Variants in GABRG3 observed in about 807,000 individuals in gnomAD.
GABRG3 encodes the protein gamma-aminobutyric acid type A receptor subunit gamma3.
Under a neutral mutation model 48.8 loss-of-function variants are expected in GABRG3, and 25 were observed. The observed-to-expected ratio is 0.51, with a 90% confidence interval of 0.37 to 0.72. The LOEUF is 0.72. Ranked by LOEUF, GABRG3 falls within the 30% of genes least tolerant of loss-of-function variation. The pLI is 0.00. For synonymous variants in GABRG3, 227 were observed against 217.6 expected (o/e 1.04, Z -0.38); for missense variants, 394 against 577.9 (o/e 0.68, Z 3.26).
At chr15:27,220,106 CCTT>C (rs1889403252) in intron 3 of GABRG3, among the ~76,000 whole-genome samples, 2 of 152,154 alleles carry the variant, frequency 1.3e-5, no homozygotes, top group Admixed American at 6.5e-5. Context: ...CCTAACCTGA[CCTT>C]CTTGATGGCT....
rs374926773 is a variant in GABRG3, at chr15:27,450,829, A to G, written c.575-29821A>G. 4.6e-5 allele frequency among the ~76,000 whole-genome samples: 7 copies of G among 152,306 alleles called. No homozygotes were observed. In the East Asian group the frequency reaches 1.4e-3, roughly 29 times the overall value. On this transcript the variant is annotated intron_variant, in intron 5 of 9. Coordinates refer to ENST00000615808, the MANE Select transcript of GABRG3 (RefSeq NM_033223.5). ...TATGTAGAAAACCCTAGTCCCCCAA[A>G]TTGTTAAAACTAATAAACAAATTCA...
chr15:26,972,865 C>T (rs1395447075), intron 1 of GABRG3, among the ~76,000 whole-genome samples: 1 of 152,180 alleles, frequency 6.6e-6, no homozygotes, highest in Non-Finnish European at 1.5e-5. Flanking sequence ...TGGAAGCCGA[C>T]TCCACCGGTG....
chr15:27,417,513 C>T lies in GABRG3; in HGVS notation c.575-63137C>T, dbSNP rs58379747. Among the ~76,000 whole-genome samples the T allele has an allele frequency of 8.5e-3, 1,289 of 152,212 alleles. 13 individuals are homozygous for T. The highest frequency in any genetic ancestry group is 0.029 in the African/African-American group (1,204 of 41,510). On this transcript the variant is annotated intron_variant, in intron 5 of 9. Transcript: ENST00000615808. ...TGTTTTCCATCTCTAAAAGTCACTT[C>T]TGCTTCTCCCCACTTCCATCCTTCC...
chr15:27,174,601 TCTCTCTC>T (rs1887684905), intron 3 of GABRG3, among the ~76,000 whole-genome samples: 1 of 151,652 alleles, frequency 6.6e-6, no homozygotes, highest in Non-Finnish European at 1.5e-5. Context: ...TCTCTCTCTC[TCTCTCTC>T]TCTCTCTCTC....
chr15:27,432,487 T>G (rs896722432), intron 5 of GABRG3, among the ~76,000 whole-genome samples: 3 of 152,184 alleles, frequency 2.0e-5, no homozygotes, highest in African/African-American at 7.2e-5. Context: ...CTAGCATTCT[T>G]TCATTAGCTG....
At chr15:27,198,016 A>T (rs906481230) in intron 3 of GABRG3, among the ~76,000 whole-genome samples, 9 of 152,072 alleles carry the variant, frequency 5.9e-5, no homozygotes, top group Non-Finnish European at 1.3e-4. Flanking sequence ...TAGTCTGGCT[A>T]GCGGTCTATC....
At chr15:27,256,875 A>G (rs1241715393) in intron 3 of GABRG3, among the ~76,000 whole-genome samples, 1 of 152,198 alleles carries the variant, frequency 6.6e-6, no homozygotes, top group Non-Finnish European at 1.5e-5. Context: ...ACTGCTGCAA[A>G]GCACGGGACT....
At chr15:27,248,925 C>T (rs532481580) in intron 3 of GABRG3, among the ~76,000 whole-genome samples, 73 of 152,094 alleles carry the variant, frequency 4.8e-4, no homozygotes, top group African/African-American at 1.6e-3. Flanking sequence ...ATTCTTTTAA[C>T]GCGAAGCCAT....
intron 2 of GABRG3, among the ~76,000 whole-genome samples, chr15:26,996,258 C>T (rs1895338069): frequency 6.6e-6 from 1 of 152,058 alleles, no homozygotes; most frequent in Non-Finnish European, 1.5e-5. Context: ...TGGCTTTCAG[C>T]ATAAAGAACT....
At chr15:27,329,018 C>A in intron 5 of GABRG3, 130 bp downstream of exon 5, 1 of 765,110 alleles carries the variant, frequency 1.3e-6, no homozygotes, top group East Asian at 2.7e-5. Context: ...ATGATGGTTT[C>A]AGTATTGACC....
intron 5 of GABRG3, among the ~76,000 whole-genome samples, chr15:27,378,174 G>A (rs533062912): frequency 4.6e-5 from 7 of 152,082 alleles, no homozygotes; most frequent in African/African-American, 1.4e-4. Flanking sequence ...TGAGAGTTAT[G>A]AGTTACTGAA....
chr15:27,380,834 C>T (rs1448511877), intron 5 of GABRG3, among the ~76,000 whole-genome samples: 2 of 148,756 alleles, frequency 1.3e-5, no homozygotes, highest in East Asian at 4.0e-4. Flanking sequence ...GGCGTAATCT[C>T]GGCTCACTGC....
At chr15:27,308,933 C>T (rs1163213334) in intron 3 of GABRG3, among the ~76,000 whole-genome samples, 1 of 145,438 alleles carries the variant, frequency 6.9e-6, no homozygotes, top group Non-Finnish European at 1.5e-5. Flanking sequence ...TATATGAAAA[C>T]ACATATAATG....
intron 2 of GABRG3, among the ~76,000 whole-genome samples, chr15:27,020,917 C>T (rs1019664623): frequency 3.3e-5 from 5 of 152,150 alleles, no homozygotes; most frequent in Admixed American, 2.6e-4. Context: ...AGCTTGTAAT[C>T]GTCATCATGT....
chr15:27,149,937 T>G (rs1898279869), intron 3 of GABRG3, among the ~76,000 whole-genome samples: 1 of 152,206 alleles, frequency 6.6e-6, no homozygotes, highest in Non-Finnish European at 1.5e-5. Context: ...CATATAATAC[T>G]AAGCAGACAT....
At chr15:27,312,114 C>A (rs1347952591) in intron 3 of GABRG3, among the ~76,000 whole-genome samples, 1 of 151,858 alleles carries the variant, frequency 6.6e-6, no homozygotes, top group Non-Finnish European at 1.5e-5. Context: ...ACAGAAAATA[C>A]AAAGTACCAA....
rs758604023 is a variant in GABRG3 at position 27,540,513 on chromosome 15, C to A, written c.*7632C>A. 1.3e-5 allele frequency: 2 copies of A among 152,158 alleles called. No homozygotes were observed. The allele number at this position is 152,158 out of a possible 1,614,324, so 9.4% of individuals were successfully genotyped here. Reference sequence around the variant, plus strand: ...GAAATAGTCACAGGCAAAATATATTCATGAAATGTACAGTGCTTACTATTA... The same window carrying A: ...GAAATAGTCACAGGCAAAATATATTAATGAAATGTACAGTGCTTACTATTA... On this transcript the variant is annotated 3_prime_UTR_variant, in exon 10 of 10. Transcript: ENST00000615808.
At chr15:27,396,912 GA>G in intron 5 of GABRG3, among the ~76,000 whole-genome samples, 1 of 152,234 alleles carries the variant, frequency 6.6e-6, no homozygotes, top group Non-Finnish European at 1.5e-5. Context: ...AATTATAGGA[GA>G]AAAAAGAGGT....
chr15:27,310,874 C>T (rs796727795), intron 3 of GABRG3, among the ~76,000 whole-genome samples: 13 of 152,224 alleles, frequency 8.5e-5, no homozygotes, highest in African/African-American at 2.9e-4. Context: ...AGTGAGGAAA[C>T]ATAGTCCTGT....
Sources: gnomAD v4.1 joint callset for allele counts (sites outside exome capture counted in the v4.1 genomes callset) on GRCh38, gnomAD v4.1.1 for gene constraint, MANE v1.5 for transcripts, NCBI Gene and HGNC (gene_info 2026-07-23, HGNC 2026-07-21) for gene names.